PBX3: variants seen among roughly 807,000 people sequenced by gnomAD.
The protein encoded by PBX3 is pre-B-cell leukemia transcription factor 3.
PBX3 carries 14 observed loss-of-function variants against 48.5 expected under a neutral mutation model. The observed-to-expected ratio is 0.29, with a 90% CI of 0.19 to 0.45. The LOEUF (loss-of-function observed/expected upper bound fraction) is 0.45. PBX3 is among the 20% of genes least tolerant of loss of function. PBX3 has a pLI of 1.00. For missense variants in PBX3, 386 were observed against 546.7 expected, an observed-to-expected ratio of 0.71 and a Z score of 2.93; for synonymous variants, 210 against 200.3, an observed-to-expected ratio of 1.05 and a Z score of -0.41.
chr9:125,757,243 T>C (rs1263063050), intron 2 of PBX3, among the ~76,000 whole-genome samples: 3 of 152,110 alleles, frequency 2.0e-5, no homozygotes, highest in African/African-American at 7.2e-5. Flanking sequence ...CTTACAAGTT[T>C]CATTTTTCTT....
intron 2 of PBX3, among the ~76,000 whole-genome samples, chr9:125,799,658 A>G (rs1367941558): frequency 6.6e-6 from 1 of 152,216 alleles, no homozygotes; most frequent in Non-Finnish European, 1.5e-5. Flanking sequence ...TTTCCTGGGC[A>G]TGGATGTAAT....
chr9:125,902,061 G>A (rs2132425794), intron 2 of PBX3, among the ~76,000 whole-genome samples: 1 of 151,180 alleles, frequency 6.6e-6, no homozygotes, highest in South Asian at 2.1e-4. Context: ...TACCTATTGT[G>A]GAAATAAAAC....
intron 2 of PBX3, among the ~76,000 whole-genome samples, chr9:125,771,197 G>C (rs1354665704): frequency 6.6e-6 from 1 of 152,192 alleles, no homozygotes; most frequent in African/African-American, 2.4e-5. Context: ...ATTTTATGAT[G>C]CTAAGAGATA....
chr9:125,822,983 TA>T (rs201653798), intron 2 of PBX3, among the ~76,000 whole-genome samples: 3,766 of 137,002 alleles, frequency 0.027, 168 homozygotes, highest in East Asian at 0.18. Context: ...GCTAAGTAGC[TA>T]AAAAAAAAAA....
At chr9:125,950,482 C>CTT (rs10623974) in intron 5 of PBX3, among the ~76,000 whole-genome samples, 83,444 of 143,178 alleles carry the variant, frequency 0.58, 26,719 homozygotes, top group East Asian at 0.76. Flanking sequence ...TTTGCAACTT[C>CTT]TTTTTTTTTT....
At chr9:125,797,980 G>A (rs1311800271) in intron 2 of PBX3, among the ~76,000 whole-genome samples, 2 of 152,092 alleles carry the variant, frequency 1.3e-5, no homozygotes, top group South Asian at 2.1e-4. Flanking sequence ...ATAGCAACCG[G>A]TTTCATTTTT....
chr9:125,755,842 A>G (rs945946373), intron 2 of PBX3, among the ~76,000 whole-genome samples: 1 of 151,934 alleles, frequency 6.6e-6, no homozygotes, highest in Non-Finnish European at 1.5e-5. Flanking sequence ...ACCTAATTGG[A>G]GATACTGAAT....
chr9:125,824,432 G>GA (rs1838748165), intron 2 of PBX3, among the ~76,000 whole-genome samples: 1 of 152,144 alleles, frequency 6.6e-6, no homozygotes, highest in South Asian at 2.1e-4. Flanking sequence ...TATTTCAAAG[G>GA]AAAGTATACC....
chr9:125,807,840 C>G (rs1460127751), intron 2 of PBX3, among the ~76,000 whole-genome samples: 1 of 152,028 alleles, frequency 6.6e-6, no homozygotes, highest in Non-Finnish European at 1.5e-5. Context: ...ATAAAGTTTC[C>G]TGGGCAGGAT....
At chr9:125,920,577 G>A (rs1206644069) in intron 3 of PBX3, among the ~76,000 whole-genome samples, 8 of 152,158 alleles carry the variant, frequency 5.3e-5, no homozygotes, top group Admixed American at 4.6e-4. Context: ...GAAGAAATGC[G>A]TGTACACAGG....
chr9:125,854,951 C>T (rs1264742997), intron 2 of PBX3, among the ~76,000 whole-genome samples: 1 of 152,068 alleles, frequency 6.6e-6, no homozygotes, highest in African/African-American at 2.4e-5. Flanking sequence ...ATGAAAAGAG[C>T]TTGGGAAAAA....
chr9:125,900,291 T>A (rs1840913340), intron 2 of PBX3, among the ~76,000 whole-genome samples: 1 of 151,088 alleles, frequency 6.6e-6, no homozygotes, highest in Non-Finnish European at 1.5e-5. Flanking sequence ...TGGTTTTGCA[T>A]TTTTCTGATT....
chr9:125,950,885 G>A (rs929654041), intron 5 of PBX3, among the ~76,000 whole-genome samples: 1 of 152,164 alleles, frequency 6.6e-6, no homozygotes, highest in African/African-American at 2.4e-5. Flanking sequence ...CATTGAAAAG[G>A]TAGAATATAG....
At position 125,852,074 on chromosome 9, in the gene PBX3, A is replaced by G. The variant is rs190067163; in HGVS notation, c.275-63612A>G. ...AAATAAAAAGAGCAGAAAAAAAGGG[A>G]AAGATGTCTGGCAGATTTTCTGCAA... On this transcript the variant is annotated intron_variant, in intron 2 of 8. Coordinates refer to ENST00000373489, the MANE Select transcript of PBX3 (RefSeq NM_006195.6). 3.1e-3 allele frequency among the ~76,000 whole-genome samples: 469 copies of G among 152,268 alleles called. 2 individuals are homozygous for G. The highest frequency in any genetic ancestry group is 9.8e-3 in the African/African-American group (407 of 41,564).
At chr9:125,819,477 A>G (rs1268571203) in intron 2 of PBX3, among the ~76,000 whole-genome samples, 2 of 152,036 alleles carry the variant, frequency 1.3e-5, no homozygotes, top group African/African-American at 4.8e-5. Context: ...GTGAGTCAAG[A>G]TCATGCCATT....
intron 2 of PBX3, among the ~76,000 whole-genome samples, chr9:125,878,652 G>C (rs1387155193): frequency 6.6e-6 from 1 of 152,218 alleles, no homozygotes; most frequent in African/African-American, 2.4e-5. Flanking sequence ...GATCAGATGT[G>C]CTTTAAAGAG....
At chr9:125,908,994 A>G (rs1279152558) in intron 2 of PBX3, among the ~76,000 whole-genome samples, 1 of 152,098 alleles carries the variant, frequency 6.6e-6, no homozygotes, top group Non-Finnish European at 1.5e-5. Flanking sequence ...CAAGCATAGC[A>G]TACTTCATAT....
In PBX3 at chr9:125,954,468, A is replaced by G. The variant is rs116755542; in HGVS notation, c.844-6216A>G. ...TTAGGCTAATATGGGAGAGAAATGA[A>G]CTAGAAATACACTTTCAAGAACAAA... is the stretch of plus-strand genomic sequence containing the variant. On this transcript the variant is annotated intron_variant, in intron 5 of 8. Coordinates refer to ENST00000373489, the MANE Select transcript of PBX3 (RefSeq NM_006195.6). Among the ~76,000 whole-genome samples the G allele has an allele frequency of 7.1e-3, 1,080 of 152,282 alleles. 10 individuals carry two copies. Among genetic ancestry groups the G allele is most frequent in the African/African-American group, 0.025 (1,026 of 41,552 alleles).
At chr9:125,960,489 T>G (rs1338581066) in intron 5 of PBX3, among the ~76,000 whole-genome samples, 195 bp from the exon 6 acceptor site, 1 of 152,188 alleles carries the variant, frequency 6.6e-6, no homozygotes, top group Non-Finnish European at 1.5e-5. Context: ...GCAGCGTTAT[T>G]CCAAAAGAAT....
Sources: gnomAD v4.1 joint callset for allele counts (sites outside exome capture counted in the v4.1 genomes callset) on GRCh38, gnomAD v4.1.1 for gene constraint, MANE v1.5 for transcripts, NCBI Gene and HGNC (gene_info 2026-07-23, HGNC 2026-07-21) for gene names.